WDPCP: variants seen among roughly 807,000 people sequenced by gnomAD.
WDPCP encodes the protein WD repeat-containing and planar cell polarity effector protein fritz homolog.
A neutral mutation model predicts 93.1 loss-of-function variants in WDPCP; 71 were observed. The observed-to-expected ratio is 0.76, with a 90% CI of 0.63 to 0.93. The LOEUF is 0.93. Ranked by LOEUF, WDPCP falls within the 40% of genes least tolerant of loss-of-function variation. The pLI is 0.00. For synonymous variants in WDPCP, 315 were observed against 315.0 expected, an observed-to-expected ratio of 1.00 and a Z score of 0.00; for missense variants, 844 against 887.4, an observed-to-expected ratio of 0.95 and a Z score of 0.62.
chr2:63,206,861 A>C (rs1352765234), intron 14 of WDPCP, among the ~76,000 whole-genome samples: 1 of 152,240 alleles, frequency 6.6e-6, no homozygotes, highest in Non-Finnish European at 1.5e-5. Flanking sequence ...AAAATGGTTA[A>C]GATAGTAACT....
chr2:63,684,304 A>C, intron 2 of WDPCP: 1 of 610,456 alleles, frequency 1.6e-6, no homozygotes, highest in Non-Finnish European at 3.1e-6. Flanking sequence ...GTTGCTGCTG[A>C]AATGGGCAAG....
intron 2 of WDPCP, among the ~76,000 whole-genome samples, chr2:63,753,550 C>T (rs147088652): frequency 5.0e-4 from 76 of 152,256 alleles, no homozygotes; most frequent in Non-Finnish European, 9.1e-4. Flanking sequence ...AGGGAGGCCT[C>T]AGGAAATTTA....
intron 1 of WDPCP, among the ~76,000 whole-genome samples, chr2:63,534,438 G>T (rs893403289): frequency 2.6e-5 from 4 of 152,088 alleles, no homozygotes; most frequent in Non-Finnish European, 5.9e-5. Flanking sequence ...TATCCCTGAT[G>T]AACATCAATG....
At chr2:63,174,005 A>G (rs1388893651) in intron 15 of WDPCP, among the ~76,000 whole-genome samples, 1 of 152,106 alleles carries the variant, frequency 6.6e-6, no homozygotes, top group East Asian at 1.9e-4. Flanking sequence ...ATTCATTTAT[A>G]TATTGTCTGT....
At chr2:63,357,588 T>C (rs1024205287) in intron 12 of WDPCP, among the ~76,000 whole-genome samples, 1 of 152,088 alleles carries the variant, frequency 6.6e-6, no homozygotes, top group African/African-American at 2.4e-5. Context: ...ATGGCTATTA[T>C]TAAAAAGTCA....
intron 11 of WDPCP, among the ~76,000 whole-genome samples, chr2:63,378,960 A>G (rs184311561): frequency 6.1e-4 from 93 of 152,294 alleles, no homozygotes; most frequent in Middle Eastern, 3.4e-3. Flanking sequence ...AAACAGGCAT[A>G]TTGGAGTAGA....
At chr2:63,559,784 G>C (rs1340194819) in intron 1 of WDPCP, among the ~76,000 whole-genome samples, 6 of 152,034 alleles carry the variant, frequency 3.9e-5, no homozygotes, top group African/African-American at 1.5e-4. Flanking sequence ...AAATCAGAGA[G>C]GACACAAACA....
chr2:63,691,202 T>A (rs1270568513), intron 2 of WDPCP, among the ~76,000 whole-genome samples: 2 of 152,166 alleles, frequency 1.3e-5, no homozygotes, highest in Non-Finnish European at 2.9e-5. Flanking sequence ...ACTCCATAGT[T>A]TGAGGGCAGG....
At chr2:63,230,830 T>C (rs1027707365) in intron 14 of WDPCP, among the ~76,000 whole-genome samples, 6 of 152,212 alleles carry the variant, frequency 3.9e-5, no homozygotes, top group Admixed American at 6.6e-5. Flanking sequence ...ATTCTAGATA[T>C]TAGCTCTTTG....
At chr2:63,205,470 T>C (rs564528219) in intron 14 of WDPCP, among the ~76,000 whole-genome samples, 4 of 152,224 alleles carry the variant, frequency 2.6e-5, no homozygotes, top group Non-Finnish European at 5.9e-5. Context: ...ATGGAATATC[T>C]TTCTACTTTT....
At chr2:63,554,918 G>A (rs959949551) in intron 1 of WDPCP, among the ~76,000 whole-genome samples, 5 of 152,138 alleles carry the variant, frequency 3.3e-5, no homozygotes, top group Non-Finnish European at 7.4e-5. Flanking sequence ...AGCCAAGAGG[G>A]GGTGAGAAAT....
chr2:63,749,572 A>C (rs555109486), intron 2 of WDPCP, among the ~76,000 whole-genome samples: 1 of 152,092 alleles, frequency 6.6e-6, no homozygotes, highest in South Asian at 2.1e-4. Context: ...TTTGTCTTAG[A>C]TGATTTTGCC....
chr2:63,135,477 A>T (rs1193161886), intron 17 of WDPCP, among the ~76,000 whole-genome samples: 1 of 152,074 alleles, frequency 6.6e-6, no homozygotes, highest in African/African-American at 2.4e-5. Flanking sequence ...GATTACAGGC[A>T]TGCGTCACCA....
chr2:63,545,994 G>A (rs1018791155), intron 1 of WDPCP, among the ~76,000 whole-genome samples: 3 of 151,982 alleles, frequency 2.0e-5, no homozygotes, highest in Non-Finnish European at 1.5e-5. Context: ...GAGACCAACT[G>A]TAACAATACA....
At chr2:63,449,331 A>C (rs965804316) in intron 6 of WDPCP, among the ~76,000 whole-genome samples, 1 of 152,232 alleles carries the variant, frequency 6.6e-6, no homozygotes, top group African/African-American at 2.4e-5. Flanking sequence ...CAAGAAGTAC[A>C]TGAAATGCAG....
At chr2:63,413,653 C>T (rs1393470963) in intron 9 of WDPCP, among the ~76,000 whole-genome samples, 1 of 152,016 alleles carries the variant, frequency 6.6e-6, no homozygotes, top group African/African-American at 2.4e-5. Flanking sequence ...AAAAAATTAG[C>T]CAGGTGTGGT....
rs560135201 is a variant in WDPCP, at chr2:63,123,894, T to C, written c.2191-1838A>G. ...TTGTGTATATATATATATAATTCTG[T>C]ATCTTTTCTTTTCTTTTTTTTTTTG... On this transcript the variant is annotated intron_variant, in intron 17 of 17. Coordinates refer to ENST00000272321, the MANE Select transcript of WDPCP (RefSeq NM_015910.7). Among the ~76,000 whole-genome samples, 14 of 150,408 alleles carry C rather than the reference T, an allele frequency of 9.3e-5. No homozygotes were observed. The East Asian group carries it at 2.7e-3, about 29-fold the overall frequency.
intron 2 of WDPCP, chr2:63,752,180 T>C: frequency 1.5e-6 from 1 of 654,124 alleles, no homozygotes; most frequent in Non-Finnish European, 2.8e-6. Flanking sequence ...TCATCAAAGC[T>C]TATAAAGACA....
At chr2:63,654,388 G>A (rs1710142016) in intron 2 of WDPCP, among the ~76,000 whole-genome samples, 1 of 152,224 alleles carries the variant, frequency 6.6e-6, no homozygotes, top group South Asian at 2.1e-4. Flanking sequence ...ATGACCGTAG[G>A]TCTAGATGGG....
Sources: gnomAD v4.1 joint callset for allele counts (sites outside exome capture counted in the v4.1 genomes callset) on GRCh38, gnomAD v4.1.1 for gene constraint, MANE v1.5 for transcripts, NCBI Gene and HGNC (gene_info 2026-07-23, HGNC 2026-07-21) for gene names.